The following PIK3C2A variants were observed in gnomAD, a reference collection of about 807,000 sequenced individuals.
The protein encoded by PIK3C2A is phosphatidylinositol 4-phosphate 3-kinase C2 domain-containing subunit alpha.
PIK3C2A carries 97 observed loss-of-function variants against 204.5 expected under a neutral mutation model. The ratio of observed to expected loss-of-function variants is 0.47; its 90% confidence interval spans 0.40 to 0.56. PIK3C2A has a LOEUF of 0.56. Ranked by LOEUF, PIK3C2A falls within the 20% of genes least tolerant of loss-of-function variation. The pLI is 0.00. For synonymous variants in PIK3C2A, 653 were observed against 664.4 expected, an observed-to-expected ratio of 0.98 and a Z score of 0.26; for missense variants, 1,735 against 1,969.2, an observed-to-expected ratio of 0.88 and a Z score of 2.25.
chr11:17,088,604 CAATTA>C lies in PIK3C2A; in HGVS notation c.*1129_*1133del, dbSNP rs1375524696. 6.6e-5 allele frequency: 10 copies of C among 152,054 alleles called. No individual in the cohort carries two copies. Among genetic ancestry groups the C allele is most frequent in the Non-Finnish European group, 1.2e-4 (8 of 68,006 alleles). The allele number at this position is 152,054 out of a possible 1,614,324, so 9.4% of individuals were successfully genotyped here. A position where few individuals can be genotyped will look rare whatever the true frequency, so the allele number is the denominator to read the frequency against. On this transcript the variant is annotated 3_prime_UTR_variant, in exon 33 of 33. Coordinates refer to ENST00000691414, the MANE Select transcript of PIK3C2A (RefSeq NM_002645.4). ...GTCCTGTCCCTTATGATTCTGAATC[CAATTA>C]TATAAAGGAAAATAACTTTTCATGT...
intron 13 of PIK3C2A, 28 bp from the exon 14 acceptor site, chr11:17,122,841 A>T (rs776250633): frequency 1.5e-5 from 14 of 926,966 alleles, no homozygotes; most frequent in South Asian, 1.2e-4. Context: ...TAATAATGTG[A>T]TTTTCATTTT....
At chr11:17,147,381 A>C in intron 6 of PIK3C2A, 136 bp downstream of exon 6, 1 of 595,730 alleles carries the variant, frequency 1.7e-6, no homozygotes, top group Non-Finnish European at 3.0e-6. Flanking sequence ...TTTGCTAAGA[A>C]GATTCCTGTT....
At chr11:17,101,804 C>T (rs10766378) in intron 24 of PIK3C2A, among the ~76,000 whole-genome samples, 129,130 of 151,306 alleles carry the variant, frequency 0.85, 55,211 homozygotes, top group East Asian at 0.96. Flanking sequence ...GGGGTTTCAC[C>T]GTGTTAGCCA....
At chr11:17,190,590 A>T (rs1272718631) in intron 1 of PIK3C2A, among the ~76,000 whole-genome samples, 1 of 147,216 alleles carries the variant, frequency 6.8e-6, no homozygotes, top group Non-Finnish European at 1.5e-5. Context: ...AAAAAAAAAA[A>T]TTATGATAAA....
intron 1 of PIK3C2A, among the ~76,000 whole-genome samples, chr11:17,189,812 CAAAAAAAAAA>C (rs759869051): frequency 1.7e-4 from 10 of 60,382 alleles, no homozygotes; most frequent in Middle Eastern, 0.013. Context: ...GGCTCTGTCT[CAAAAAAAAAA>C]AAAAAAAAAA....
At chr11:17,193,912 G>GAAAAGAAAAGAAAAGA (rs1852044840) in intron 1 of PIK3C2A, 1 of 253,704 alleles carries the variant, frequency 3.9e-6, no homozygotes, top group African/African-American at 2.5e-5. Flanking sequence ...GAAAAGAAAA[G>GAAAAGAAAAGAAAAGA]AAAAGAAACC....
At position 17,199,056 on chromosome 11, in the gene PIK3C2A, TTGC is replaced by T. The variant is rs572035440; in HGVS notation, c.-66+8789_-66+8791del. On this transcript the variant is annotated intron_variant, in intron 1 of 32. Coordinates refer to ENST00000691414, the MANE Select transcript of PIK3C2A (RefSeq NM_002645.4). ...ATCACTTGAACCTGGGAGGCAGAGG[TTGC>T]AGTGAGCTGAGATCATGCCATTGCA... 4.1e-3 allele frequency among the ~76,000 whole-genome samples: 619 copies of T among 149,644 alleles called. 1 individual carries two copies. Among genetic ancestry groups the T allele is most frequent in the Admixed American group, 7.6e-3 (115 of 15,040 alleles).
chr11:17,123,068 G>A lies in PIK3C2A; in HGVS notation c.2400-255C>T, dbSNP rs575606294. ...TTATCTTGGGGAAAATGGTGTTGAG[G>A]ACAGAACACAAAAAAGGTAAGGACT... On this transcript the variant is annotated intron_variant, in intron 13 of 32. Transcript: ENST00000691414. 8.5e-4 allele frequency among the ~76,000 whole-genome samples: 129 copies of A among 152,162 alleles called. 1 individual carries two copies. Among genetic ancestry groups the A allele is most frequent in the African/African-American group, 3.0e-3 (124 of 41,532 alleles).
chr11:17,192,396 G>GA (rs143646671), intron 1 of PIK3C2A, among the ~76,000 whole-genome samples: 1 of 152,004 alleles, frequency 6.6e-6, no homozygotes, highest in Non-Finnish European at 1.5e-5. Context: ...TTTAACATAT[G>GA]AAAAAAATAA....
rs1054694268 is a variant in PIK3C2A at position 17,156,102 on chromosome 11, A to T, written c.1066-473T>A. ...GGGCATTTTCTAGGTTAATAAACTT[A>T]TACTAACATCCTCACAATCCCTAAA... On this transcript the variant is annotated intron_variant, in intron 2 of 32. Transcript: ENST00000691414. Among the ~76,000 whole-genome samples, 129 of 152,302 alleles carry T rather than the reference A, an allele frequency of 8.5e-4. 1 individual carries two copies. The highest frequency in any genetic ancestry group is 3.0e-3 in the African/African-American group (124 of 41,566).
At chr11:17,151,935 C>T (rs770774530) in intron 3 of PIK3C2A, among the ~76,000 whole-genome samples, 4 of 151,990 alleles carry the variant, frequency 2.6e-5, no homozygotes, top group Non-Finnish European at 4.4e-5. Flanking sequence ...CATCAAATCA[C>T]GAAATTAATG....
chr11:17,100,101 G>A (rs17847726), intron 25 of PIK3C2A, 132 bp from the exon 26 acceptor site: 43,774 of 501,008 alleles, frequency 0.087, 2,487 homozygotes, highest in African/African-American at 0.16. Flanking sequence ...GTTCATTAGT[G>A]TATTGGGGAC....
intron 13 of PIK3C2A, among the ~76,000 whole-genome samples, chr11:17,128,280 T>A (rs1198361781): frequency 1.3e-5 from 2 of 151,572 alleles, no homozygotes; most frequent in African/African-American, 4.9e-5. Flanking sequence ...ATGCTTTTTT[T>A]TTTTTTTGGC....
chr11:17,088,904 C>T lies in PIK3C2A; in HGVS notation c.*834G>A, dbSNP rs550211948. 2.6e-5 allele frequency: 4 copies of T among 152,310 alleles called. No homozygotes were observed. In the South Asian group the frequency reaches 6.2e-4, roughly 24 times the overall value. The allele number at this position is 152,310 out of a possible 1,614,324, so 9.4% of individuals were successfully genotyped here. On this transcript the variant is annotated 3_prime_UTR_variant, in exon 33 of 33. Coordinates refer to ENST00000691414, the MANE Select transcript of PIK3C2A (RefSeq NM_002645.4). ...GGAATGATAGAATTTATTGTACAAT[C>T]ACATTGGTGAGTCTTATTCAGGTAT...
intron 23 of PIK3C2A, among the ~76,000 whole-genome samples, chr11:17,104,501 G>C (rs528122281): frequency 6.6e-6 from 1 of 151,976 alleles, no homozygotes; most frequent in Non-Finnish European, 1.5e-5. Flanking sequence ...TGAAGCGGGC[G>C]GATCACAAGG....
At chr11:17,156,115 C>T (rs759856707) in intron 2 of PIK3C2A, among the ~76,000 whole-genome samples, 33 of 152,256 alleles carry the variant, frequency 2.2e-4, no homozygotes, top group South Asian at 6.2e-4. Flanking sequence ...CTAACATCCT[C>T]ACAATCCCTA....
chr11:17,127,801 T>C (rs1565260360), intron 13 of PIK3C2A, among the ~76,000 whole-genome samples: 1 of 152,166 alleles, frequency 6.6e-6, no homozygotes, highest in Non-Finnish European at 1.5e-5. Context: ...GTTAAATAGA[T>C]CTATTATTAA....
chr11:17,172,032 T>C (rs1851186512), intron 1 of PIK3C2A, among the ~76,000 whole-genome samples: 1 of 152,238 alleles, frequency 6.6e-6, no homozygotes, highest in Non-Finnish European at 1.5e-5. Flanking sequence ...ATATGAGTAT[T>C]CACTTTGAAA....
chr11:17,113,863 C>G (rs1849081587), intron 20 of PIK3C2A, among the ~76,000 whole-genome samples: 1 of 146,534 alleles, frequency 6.8e-6, no homozygotes, highest in African/African-American at 2.5e-5. Flanking sequence ...GGGCGAATCA[C>G]GAGGTCAGGA....
Sources: gnomAD v4.1 joint callset for allele counts (sites outside exome capture counted in the v4.1 genomes callset) on GRCh38, gnomAD v4.1.1 for gene constraint, MANE v1.5 for transcripts, NCBI Gene and HGNC (gene_info 2026-07-23, HGNC 2026-07-21) for gene names.